KANSL3: variants seen among roughly 807,000 people sequenced by gnomAD.
KANSL3 encodes KAT8 regulatory NSL complex subunit 3, also known as NSL complex protein NSL3.
In KANSL3, 16 loss-of-function variants were observed where a neutral mutation model predicts 89.2. The observed-to-expected ratio is 0.18, with a 90% CI of 0.12 to 0.27. The LOEUF is 0.27. Among genes scored for constraint, KANSL3 ranks in the 10% least tolerant of loss-of-function variants. The pLI, the probability that KANSL3 is intolerant of heterozygous loss-of-function variation, is 1.00. For synonymous variants in KANSL3, 385 were observed against 419.7 expected (o/e 0.92, Z 1.01); for missense variants, 879 against 1,110.6 (o/e 0.79, Z 2.96).
chr2:96,623,214 C>T lies in KANSL3; in HGVS notation c.387-3452G>A, dbSNP rs2071632767. ...ACTGCATTCTAAGTTCTGTAAACAG[C>T]CAGGTCCCTATCCAAACCCTCAGAC... On this transcript the variant is annotated intron_variant, in intron 3 of 20. Transcript: ENST00000431828. Among the ~76,000 whole-genome samples, 4 of 152,272 alleles carry T rather than the reference C, an allele frequency of 2.6e-5. No individual in the cohort carries two copies. In the South Asian group the frequency reaches 8.3e-4, roughly 32 times the overall value.
At chr2:96,637,320 G>A (rs1281070852) in intron 1 of KANSL3, 135 bp from the exon 2 acceptor site, 13 of 516,840 alleles carry the variant, frequency 2.5e-5, no homozygotes, top group Non-Finnish European at 4.4e-5. Flanking sequence ...CCTCTGGTGG[G>A]GACGGTTCGT....
At chr2:96,610,555 T>G in intron 11 of KANSL3, 171 bp downstream of exon 11, 1 of 582,606 alleles carries the variant, frequency 1.7e-6, no homozygotes, top group South Asian at 2.2e-5. Context: ...GACCTCGTGA[T>G]CCGCCTGCCT....
chr2:96,615,120 AGT>A (rs1351228572), intron 5 of KANSL3: 1 of 140,162 alleles, frequency 7.1e-6, no homozygotes, highest in African/African-American at 2.7e-5. Flanking sequence ...GTGAGCCAAG[AGT>A]GTGCCACCGC....
At chr2:96,617,846 C>T (rs1185406622) in intron 5 of KANSL3, among the ~76,000 whole-genome samples, 1 of 151,822 alleles carries the variant, frequency 6.6e-6, no homozygotes, top group East Asian at 1.9e-4. Context: ...ATTAGCTGGG[C>T]GGGGTGGCAC....
At chr2:96,624,000 G>C (rs1387825274) in intron 3 of KANSL3, among the ~76,000 whole-genome samples, 2 of 152,248 alleles carry the variant, frequency 1.3e-5, no homozygotes, top group African/African-American at 4.8e-5. Context: ...TCTTGGAATT[G>C]TCCTGTTTCT....
intron 5 of KANSL3, among the ~76,000 whole-genome samples, chr2:96,618,601 T>A (rs2070670172): frequency 6.6e-6 from 1 of 152,254 alleles, no homozygotes; most frequent in Admixed American, 6.5e-5. Flanking sequence ...GGCTCACTGC[T>A]TACTATGTGC....
In KANSL3 at chr2:96,612,489, A is replaced by T; in HGVS notation, c.987T>A (p.Ile329=). 1 of 1,613,968 alleles carries T rather than the reference A, an allele frequency of 6.2e-7. No individual in the cohort carries two copies. Among genetic ancestry groups the T allele is most frequent in the East Asian group, 2.2e-5 (1 of 44,884 alleles). The change falls in exon 8 of 21, where the codon ATT becomes ATA. Residue 329 remains isoleucine (I), a synonymous_variant. Coordinates refer to ENST00000431828, the MANE Select transcript of KANSL3 (RefSeq NM_001115016.3). ...CCAGCACTTTGCTTCTCACTGCCCC[A>T]ATCATATGCTCGAGACACTGTAGAA... The part of the protein sequence containing the change: ...VGVLQCLEHM[I]GAVRSKVLEI...
intron 3 of KANSL3, among the ~76,000 whole-genome samples, chr2:96,621,493 G>A (rs913118839): frequency 3.8e-4 from 58 of 150,860 alleles, no homozygotes; most frequent in African/African-American, 1.3e-3. Flanking sequence ...CAGCCTGGGT[G>A]ACAGAGTGAG....
In KANSL3 at chr2:96,600,469, G is replaced by A. The variant is rs79632647; in HGVS notation, c.2616+1174C>T. On this transcript the variant is annotated intron_variant, in intron 20 of 20. Coordinates refer to ENST00000431828, the MANE Select transcript of KANSL3 (RefSeq NM_001115016.3). ...AAAAAAAGGTAGCTATGATCCCAAC[G>A]AATGTCAGGTGTTGACCTCTGTGCA... The A allele has an allele frequency of 5.2e-5, 51 of 985,250 alleles. No individual in the cohort carries two copies. The East Asian group carries it at 3.9e-3, about 75-fold the overall frequency. 61.0% of individuals were successfully genotyped at this position (985,250 alleles called of 1,614,324 possible).
intron 19 of KANSL3, 68 bp from the exon 20 acceptor site, chr2:96,601,844 C>G (rs1416114172): frequency 6.7e-7 from 1 of 1,481,614 alleles, no homozygotes; most frequent in Non-Finnish European, 9.0e-7. Context: ...GCTTTCCTTT[C>G]CTGGAGAGCT....
At chr2:96,605,826 A>G (rs2067899320) in intron 14 of KANSL3, 1 of 193,504 alleles carries the variant, frequency 5.2e-6, no homozygotes, top group Non-Finnish European at 1.1e-5. Flanking sequence ...GACCCTGCCT[A>G]GCCAAGGCCA....
chr2:96,583,018 C>A, the KANSL3 span, among the ~76,000 whole-genome samples: 1 of 152,220 alleles, frequency 6.6e-6, no homozygotes, highest in Non-Finnish European at 1.5e-5. Context: ...CACTTTCCAG[C>A]TGCAATGGTC....
At position 96,626,387 on chromosome 2, in the gene KANSL3, TA is replaced by T. The variant is rs200206804; in HGVS notation, c.386+4924del. ...GGTGGGGGAGGGGAAGGAGGGACGA[TA>T]ACTCAAAGACCTTGGACTTAAAATT... is the stretch of plus-strand genomic sequence containing the variant. On this transcript the variant is annotated intron_variant, in intron 3 of 20. Transcript: ENST00000431828. Among the ~76,000 whole-genome samples the T allele has an allele frequency of 4.9e-3, 750 of 152,110 alleles. 4 individuals carry two copies. The highest frequency in any genetic ancestry group is 0.017 in the African/African-American group (719 of 41,482).
In KANSL3 at chr2:96,604,858, C is replaced by A. The variant is rs764572039; in HGVS notation, c.1939G>T (p.Gly647Cys). ...PSQGSAPEAA[G>C]GKPITMTLGQ... Reference sequence around the variant, plus strand: ...AGTGTCATGGTGATGGGCTTCCCACCTGCAGCTTCAAAACAGAAAACCCCA... The same window carrying A: ...AGTGTCATGGTGATGGGCTTCCCACATGCAGCTTCAAAACAGAAAACCCCA... The change falls in exon 16 of 21, where the codon GGT becomes TGT. Residue 647 changes from glycine to cysteine, a missense_variant. Gly to Cys is a radical substitution (Grantham distance 159). Transcript: ENST00000431828. 8.2e-6 allele frequency: 13 copies of A among 1,590,930 alleles called. No individual in the cohort carries two copies. Among genetic ancestry groups the A allele is most frequent in the Non-Finnish European group, 9.4e-6 (11 of 1,168,636 alleles).
rs756300952 is a variant in KANSL3 at position 96,595,565 on chromosome 2, G to C, written c.*46C>G. 32 of 1,611,312 alleles carry C rather than the reference G, an allele frequency of 2.0e-5. No homozygotes were observed. The highest frequency in any genetic ancestry group is 2.7e-5 in the Non-Finnish European group (32 of 1,178,004). ...CACACCTGTCCAGGGCCCACCATGA[G>C]GCAGCCATCACCAACTTGGTAAGGA... On this transcript the variant is annotated 3_prime_UTR_variant, in exon 21 of 21. Coordinates refer to ENST00000431828, the MANE Select transcript of KANSL3 (RefSeq NM_001115016.3).
At chr2:96,614,778 G>GA (rs1434133052) in intron 5 of KANSL3, among the ~76,000 whole-genome samples, 231 of 67,054 alleles carry the variant, frequency 3.4e-3, no homozygotes, top group East Asian at 3.4e-3. Context: ...TCAAAAAAAA[G>GA]AAAAAAAAAA....
chr2:96,591,559 AAC>A (rs2066275310), downstream of KANSL3, among the ~76,000 whole-genome samples: 1 of 152,228 alleles, frequency 6.6e-6, no homozygotes, highest in Admixed American at 6.5e-5. Flanking sequence ...GCAGGTTAAA[AAC>A]ACACATATCT....
chr2:96,617,833 A>C (rs1190373821), intron 5 of KANSL3, among the ~76,000 whole-genome samples: 2 of 151,992 alleles, frequency 1.3e-5, no homozygotes, highest in Non-Finnish European at 2.9e-5. Flanking sequence ...AAATACAAAA[A>C]AAATTAGCTG....
chr2:96,614,789 AAAAG>A (rs1322277013), intron 5 of KANSL3, among the ~76,000 whole-genome samples: 2 of 151,404 alleles, frequency 1.3e-5, no homozygotes, highest in East Asian at 1.9e-4. Context: ...AAAAAAAAAA[AAAAG>A]AAAGAAAGAA....
Sources: allele counts gnomAD v4.1 joint callset (sites outside exome capture counted in the v4.1 genomes callset), GRCh38; gene constraint gnomAD v4.1.1; transcripts MANE v1.5; gene names NCBI Gene and HGNC (gene_info 2026-07-23, HGNC 2026-07-21).